RAPGEF5: variants seen among roughly 807,000 people sequenced by gnomAD.
The protein encoded by RAPGEF5 is Rap guanine nucleotide exchange factor 5, also known as M-Ras-regulated GEF.
In RAPGEF5, 65 loss-of-function variants were observed where a neutral mutation model predicts 125.2. The ratio of observed to expected loss-of-function variants is 0.52; its 90% CI spans 0.43 to 0.64. The LOEUF (loss-of-function observed/expected upper bound fraction) is 0.64, where lower values mean the gene tolerates loss of function less well. Ranked by LOEUF, RAPGEF5 falls within the 30% of genes least tolerant of loss-of-function variation. The pLI is 0.00. For missense variants in RAPGEF5, 958 were observed against 1,048.1 expected (o/e 0.91, Z 1.19); for synonymous variants, 391 against 385.9 (o/e 1.01, Z -0.16).
At chr7:22,232,532 C>T (rs1428916098) in intron 7 of RAPGEF5, among the ~76,000 whole-genome samples, 1 of 152,138 alleles carries the variant, frequency 6.6e-6, no homozygotes, top group East Asian at 1.9e-4. Flanking sequence ...GTTGGCCAGG[C>T]TGGTCTCAAA....
chr7:22,355,139 G>A (rs1181313620), intron 1 of RAPGEF5, among the ~76,000 whole-genome samples: 2 of 152,080 alleles, frequency 1.3e-5, no homozygotes, highest in Non-Finnish European at 2.9e-5. Flanking sequence ...AAATGTGTTT[G>A]GAAAGTCCCA....
intron 8 of RAPGEF5, among the ~76,000 whole-genome samples, chr7:22,224,605 C>G (rs529050761): frequency 3.6e-4 from 55 of 152,166 alleles, no homozygotes; most frequent in Non-Finnish European, 5.3e-4. Flanking sequence ...GCTCTGCTCC[C>G]CAGTATGGCC....
At chr7:22,173,703 A>G (rs1784419367) in intron 11 of RAPGEF5, among the ~76,000 whole-genome samples, 1 of 152,172 alleles carries the variant, frequency 6.6e-6, no homozygotes, top group South Asian at 2.1e-4. Flanking sequence ...AATTCTATAC[A>G]CTGCCTTTTA....
intron 6 of RAPGEF5, among the ~76,000 whole-genome samples, chr7:22,288,632 C>T (rs956151072): frequency 2.0e-5 from 3 of 151,256 alleles, no homozygotes; most frequent in African/African-American, 7.3e-5. Context: ...ACACCATTCT[C>T]CTGCCTCAGC....
At chr7:22,259,940 C>A (rs564685656) in intron 7 of RAPGEF5, among the ~76,000 whole-genome samples, 62 of 152,248 alleles carry the variant, frequency 4.1e-4, no homozygotes, top group African/African-American at 1.4e-3. Context: ...AAAAATTACC[C>A]GGGTGTGGTG....
At chr7:22,157,748 G>A in intron 15 of RAPGEF5, 107 bp downstream of exon 15, 1 of 1,277,880 alleles carries the variant, frequency 7.8e-7, no homozygotes, top group South Asian at 1.2e-5. Context: ...GCCTTGTCGT[G>A]TTCTGCTCGA....
intron 12 of RAPGEF5, among the ~76,000 whole-genome samples, chr7:22,163,327 T>A (rs1390476458): frequency 1.3e-5 from 2 of 152,184 alleles, no homozygotes; most frequent in Non-Finnish European, 1.5e-5. Context: ...TATATATGCA[T>A]TTAACGGACT....
chr7:22,233,187 G>A (rs972223568), intron 7 of RAPGEF5, among the ~76,000 whole-genome samples: 4 of 152,106 alleles, frequency 2.6e-5, no homozygotes, highest in African/African-American at 9.7e-5. Context: ...ATAGAAGTAA[G>A]GAACTCCACT....
At chr7:22,304,675 TTG>T (rs1373725532) in intron 5 of RAPGEF5, among the ~76,000 whole-genome samples, 2 of 152,166 alleles carry the variant, frequency 1.3e-5, no homozygotes, top group African/African-American at 4.8e-5. Flanking sequence ...CACCTCCATC[TTG>T]TGTGCAGGAC....
chr7:22,327,735 T>C (rs559705662), intron 1 of RAPGEF5, among the ~76,000 whole-genome samples: 1 of 152,366 alleles, frequency 6.6e-6, no homozygotes, highest in East Asian at 1.9e-4. Context: ...TTTAAGGTTG[T>C]TGTAAAAACT....
chr7:22,224,773 G>A (rs534887192), intron 8 of RAPGEF5, among the ~76,000 whole-genome samples: 1 of 151,740 alleles, frequency 6.6e-6, no homozygotes, highest in Non-Finnish European at 1.5e-5. Context: ...AGCTCCCACA[G>A]ACTCGATTTG....
intron 9 of RAPGEF5, 59 bp from the exon 10 acceptor site, chr7:22,194,092 G>C: frequency 6.9e-7 from 1 of 1,449,122 alleles, no homozygotes. Flanking sequence ...AAAATTAAAA[G>C]TGGGGGGAAA....
At chr7:22,221,178 T>C (rs1011055195) in intron 8 of RAPGEF5, among the ~76,000 whole-genome samples, 1 of 152,122 alleles carries the variant, frequency 6.6e-6, no homozygotes, top group Non-Finnish European at 1.5e-5. Flanking sequence ...AAGTCAGAGA[T>C]TTTTACAACA....
intron 23 of RAPGEF5, among the ~76,000 whole-genome samples, chr7:22,135,599 T>C (rs1783056001): frequency 6.6e-6 from 1 of 152,202 alleles, no homozygotes. Context: ...TTACTTGTAT[T>C]GACCAAAGGT....
At chr7:22,147,464 G>A (rs890580139) in intron 18 of RAPGEF5, among the ~76,000 whole-genome samples, 5 of 152,288 alleles carry the variant, frequency 3.3e-5, no homozygotes, top group Non-Finnish European at 5.9e-5. Context: ...CAGGAAATAC[G>A]TTTAGCAAGT....
intron 8 of RAPGEF5, among the ~76,000 whole-genome samples, chr7:22,229,921 C>G (rs575439620): frequency 6.6e-6 from 1 of 152,180 alleles, no homozygotes; most frequent in Non-Finnish European, 1.5e-5. Flanking sequence ...CTCTGTATGT[C>G]CTACAGATAC....
chr7:22,218,474 A>T (rs1157893201), intron 9 of RAPGEF5, among the ~76,000 whole-genome samples: 1 of 152,166 alleles, frequency 6.6e-6, no homozygotes, highest in Non-Finnish European at 1.5e-5. Flanking sequence ...AGGAAAGAAA[A>T]ATGCTCACAA....
chr7:22,231,005 G>A, intron 7 of RAPGEF5, 86 bp from the exon 8 acceptor site: 4 of 1,269,320 alleles, frequency 3.2e-6, no homozygotes, highest in Non-Finnish European at 4.4e-6. Context: ...AATTTAGCGG[G>A]AAAAAATGTT....
intron 7 of RAPGEF5, among the ~76,000 whole-genome samples, chr7:22,253,506 C>T (rs1253243331): frequency 6.6e-6 from 1 of 152,132 alleles, no homozygotes; most frequent in African/African-American, 2.4e-5. Flanking sequence ...GAAAATACCA[C>T]CAAAAAATAA....
Sources: gnomAD v4.1 joint callset for allele counts (sites outside exome capture counted in the v4.1 genomes callset) on GRCh38, gnomAD v4.1.1 for gene constraint, MANE v1.5 for transcripts, NCBI Gene and HGNC (gene_info 2026-07-23, HGNC 2026-07-21) for gene names.